Variants in DGKG observed in about 807,000 individuals in gnomAD.
DGKG encodes the protein DAG kinase gamma.
In DGKG, 78 loss-of-function variants were observed where a neutral mutation model predicts 105.3. That is an observed-to-expected ratio of 0.74 (90% CI 0.62 to 0.89). The LOEUF is 0.89. DGKG is among the 40% of genes least tolerant of loss of function. The pLI is 0.00. For synonymous variants in DGKG, 346 were observed against 367.1 expected (o/e 0.94, Z 0.66); for missense variants, 958 against 1,020.1 (o/e 0.94, Z 0.83).
At chr3:186,233,542 C>G (rs528905792) in intron 20 of DGKG, among the ~76,000 whole-genome samples, 5 of 152,188 alleles carry the variant, frequency 3.3e-5, no homozygotes, top group Admixed American at 3.3e-4. Flanking sequence ...TGCAGTGGCG[C>G]GATCTCGGCT....
intron 21 of DGKG, among the ~76,000 whole-genome samples, chr3:186,191,737 C>T (rs1291309513): frequency 6.6e-6 from 1 of 152,186 alleles, no homozygotes; most frequent in Non-Finnish European, 1.5e-5. Context: ...GTCTGAATTG[C>T]TTTTGTGTAT....
chr3:186,275,487 C>T, intron 10 of DGKG, 60 bp downstream of exon 10: 2 of 1,416,862 alleles, frequency 1.4e-6, no homozygotes, highest in Non-Finnish European at 2.0e-6. Context: ...AATGGATCAA[C>T]CAACCATGCG....
chr3:186,289,000 G>A, intron 5 of DGKG, 120 bp from the exon 6 acceptor site: 1 of 1,026,280 alleles, frequency 9.7e-7, no homozygotes, highest in Non-Finnish European at 1.4e-6. Flanking sequence ...GTCTTCAAAA[G>A]CTTTGGTTAC....
chr3:186,205,739 C>T (rs1422633790), intron 21 of DGKG, among the ~76,000 whole-genome samples: 2 of 151,642 alleles, frequency 1.3e-5, no homozygotes, highest in Admixed American at 6.6e-5. Flanking sequence ...ACCACAACAA[C>T]AAAAAATGGA....
rs59060845 is a variant in DGKG at position 186,352,031 on chromosome 3, G to C, written c.-249+9915C>G. Among the ~76,000 whole-genome samples the C allele has an allele frequency of 2.6e-3, 397 of 152,284 alleles. 2 individuals carry two copies. Among genetic ancestry groups the C allele is most frequent in the Middle Eastern group, 0.014 (4 of 294 alleles). On this transcript the variant is annotated intron_variant, in intron 1 of 24. Transcript: ENST00000265022. Reference sequence around the variant, plus strand: ...CAAGCTTTGACCCCAGACCAATTAAGTAAGCATCTCTGGGAGTGGGACCCA... The same window carrying C: ...CAAGCTTTGACCCCAGACCAATTAACTAAGCATCTCTGGGAGTGGGACCCA...
chr3:186,330,613 C>A lies in DGKG; in HGVS notation c.-248-9906G>T, dbSNP rs191750632. On this transcript the variant is annotated intron_variant, in intron 1 of 24. Coordinates refer to ENST00000265022, the MANE Select transcript of DGKG (RefSeq NM_001346.3). ...TCACATAGAGACCACATGGAGAGGC[C>A]ACGTGGATGAAGGGAGATCTAACAT... Among the ~76,000 whole-genome samples the A allele has an allele frequency of 1.6e-3, 247 of 152,248 alleles. 1 individual carries two copies. Among genetic ancestry groups the A allele is most frequent in the African/African-American group, 5.6e-3 (232 of 41,548 alleles).
At chr3:186,341,468 GA>G (rs1421800160) in intron 1 of DGKG, among the ~76,000 whole-genome samples, 2 of 152,140 alleles carry the variant, frequency 1.3e-5, no homozygotes, top group Non-Finnish European at 2.9e-5. Context: ...GCAATATAGT[GA>G]AACCACCAAC....
At chr3:186,327,613 A>G (rs1038534748) in intron 1 of DGKG, among the ~76,000 whole-genome samples, 2 of 151,060 alleles carry the variant, frequency 1.3e-5, no homozygotes, top group Admixed American at 1.3e-4. Flanking sequence ...GTGTCTCACT[A>G]TGTTGCCCAG....
rs769530605 is a variant in DGKG, at chr3:186,188,255, C to T, written c.2042G>A (p.Arg681Gln). The T allele has an allele frequency of 6.1e-5, 99 of 1,614,014 alleles. No homozygotes were observed. The highest frequency in any genetic ancestry group is 2.0e-4 in the East Asian group (9 of 44,884). Residue 681 changes from arginine (R) to glutamine (Q), a missense_variant, in exon 22 of 25, where the codon CGG (arginine) becomes CAG (glutamine). Arg to Gln is a conservative substitution (Grantham distance 43). This residue lies in a region of DGKG where 315 missense variants were observed against 400.6 expected (regional missense o/e 0.79). Coordinates refer to ENST00000265022, the MANE Select transcript of DGKG (RefSeq NM_001346.3). Reference protein sequence around the residue: ...GENKKNRAVIRESRKGVTDPK... With the variant: ...GENKKNRAVIQESRKGVTDPK... ...GTCAGTGACACCCTTCCTGCTTTCC[C>T]GGATCACAGCCCGGTTCTTCTTGTT... is the stretch of plus-strand genomic sequence containing the variant.
chr3:186,189,658 C>T (rs143864402), intron 21 of DGKG, among the ~76,000 whole-genome samples: 2 of 152,320 alleles, frequency 1.3e-5, no homozygotes, highest in Non-Finnish European at 2.9e-5. Context: ...ATCAACAGAG[C>T]AGGACTAGAA....
intron 21 of DGKG, 36 bp from the exon 22 acceptor site, chr3:186,188,415 C>T: frequency 6.2e-7 from 1 of 1,607,470 alleles, no homozygotes; most frequent in Non-Finnish European, 8.5e-7. Context: ...CTGTTAGTGT[C>T]CTCAGTGTGT....
In DGKG at chr3:186,240,049, T is replaced by C. The variant is rs116845726; in HGVS notation, c.1826+2455A>G. ...TTCTCCCTCCCTCTGCTTCCTTGCTTTCTGGGAATTACAGATGTTTGGTTT... is the reference window on the plus strand; with the variant it reads ...TTCTCCCTCCCTCTGCTTCCTTGCTCTCTGGGAATTACAGATGTTTGGTTT... On this transcript the variant is annotated intron_variant, in intron 20 of 24. Transcript: ENST00000265022. Among the ~76,000 whole-genome samples, 47 of 152,258 alleles carry C rather than the reference T, an allele frequency of 3.1e-4. 1 individual carries two copies. The East Asian group carries it at 6.9e-3, about 23-fold the overall frequency.
At chr3:186,275,697 T>G in intron 9 of DGKG, 33 bp from the exon 10 acceptor site, 1 of 1,551,848 alleles carries the variant, frequency 6.4e-7, no homozygotes, top group Non-Finnish European at 8.8e-7. Context: ...GACCCCAAGC[T>G]GGCTGCCCTG....
In DGKG at chr3:186,211,200, T is replaced by C. The variant is rs1719023764; in HGVS notation, c.1917+595A>G. Among the ~76,000 whole-genome samples, 4 of 152,212 alleles carry C rather than the reference T, an allele frequency of 2.6e-5. No homozygotes were observed. The South Asian group carries it at 8.3e-4, about 32-fold the overall frequency. On this transcript the variant is annotated intron_variant, in intron 21 of 24. Transcript: ENST00000265022. The stretch of plus-strand genomic sequence containing the variant: ...TGCCAGCTTCTTTGTTAGAAAATTA[T>C]CAAGGATTTCAAGACAGTGACAGCA...
intron 19 of DGKG, among the ~76,000 whole-genome samples, chr3:186,247,668 G>A (rs1022897587): frequency 6.6e-6 from 1 of 152,088 alleles, no homozygotes; most frequent in East Asian, 1.9e-4. Flanking sequence ...TAAAGAGCGA[G>A]CATACAAACC....
chr3:186,165,124 A>C, intron 22 of DGKG, 106 bp from the exon 23 acceptor site: 2 of 1,225,514 alleles, frequency 1.6e-6, no homozygotes, highest in Non-Finnish European at 2.2e-6. Context: ...GTATCCCTTC[A>C]TCTCCCACCA....
At chr3:186,341,122 G>A (rs984872192) in intron 1 of DGKG, among the ~76,000 whole-genome samples, 27 of 152,196 alleles carry the variant, frequency 1.8e-4, no homozygotes, top group African/African-American at 5.5e-4. Flanking sequence ...TAGTTTGAGG[G>A]GCGAGACTGT....
At chr3:186,161,036 C>G in intron 24 of DGKG, 1 of 986,390 alleles carries the variant, frequency 1.0e-6, no homozygotes, top group Non-Finnish European at 1.2e-6. Context: ...AAATAGATAA[C>G]CTGCGTGGTG....
intron 4 of DGKG, among the ~76,000 whole-genome samples, chr3:186,297,741 G>C (rs1723656962): frequency 6.6e-6 from 1 of 152,198 alleles, no homozygotes; most frequent in South Asian, 2.1e-4. Flanking sequence ...CACAGAAGCT[G>C]AATGTGCTCC....
Sources: gnomAD v4.1 joint callset for allele counts (sites outside exome capture counted in the v4.1 genomes callset) on GRCh38, gnomAD v4.1.1 for gene constraint, gnomAD v4.1.1 regional missense constraint, MANE v1.5 for transcripts, NCBI Gene and HGNC (gene_info 2026-07-23, HGNC 2026-07-21) for gene names.